The following CLEC12A variants were observed in gnomAD, a reference collection of about 807,000 sequenced individuals.
The protein encoded by CLEC12A is C-type lectin protein CLL-1.
CLEC12A carries 22 observed loss-of-function variants against 26.5 expected under a neutral mutation model. That is an observed-to-expected ratio of 0.83 (90% CI 0.59 to 1.19). The LOEUF is 1.19. Ranked by LOEUF, CLEC12A falls within the 50% of genes most tolerant of loss-of-function variation. The pLI, the probability that CLEC12A is intolerant of heterozygous loss-of-function variation, is 0.00. For missense variants in CLEC12A, 353 were observed against 315.6 expected (o/e 1.12, Z -0.90); for synonymous variants, 119 against 101.9 (o/e 1.17, Z -1.01).
exon 5 of CLEC12A, chr12:9,995,064 T>G (rs191515045): frequency 2.7e-4 from 428 of 1,597,864 alleles, no homozygotes; most frequent in Non-Finnish European, 2.7e-5. Flanking sequence ...AGTAGTGACT[T>G]GGACTGAGAG....
intron 1 of CLEC12A, among the ~76,000 whole-genome samples, chr12:9,975,591 G>A (rs1243015222): frequency 1.3e-5 from 2 of 152,146 alleles, no homozygotes; most frequent in Admixed American, 1.3e-4. Flanking sequence ...TTTTATAAGG[G>A]AAGCAGAGCA....
At chr12:9,965,879 C>T (rs544384393) in intron 1 of CLEC12A, among the ~76,000 whole-genome samples, 13 of 151,986 alleles carry the variant, frequency 8.6e-5, no homozygotes, top group Middle Eastern at 3.4e-3. Context: ...CAGGATCAGT[C>T]GCTAAGGAGG....
chr12:9,990,369 A>G (rs2137223148), downstream of CLEC12A, among the ~76,000 whole-genome samples: 1 of 152,338 alleles, frequency 6.6e-6, no homozygotes, highest in African/African-American at 2.4e-5. Context: ...GTCAACATTA[A>G]CAGACACTTG....
chr12:9,969,747 A>C (rs183462894), upstream of CLEC12A, among the ~76,000 whole-genome samples: 1,570 of 152,312 alleles, frequency 0.01, 20 homozygotes, highest in South Asian at 0.028. Flanking sequence ...AAATATTTAT[A>C]TGCAAATATT....
chr12:9,954,205 TAAAAAAAAAAAAA>T (rs35173002), intron 1 of CLEC12A, among the ~76,000 whole-genome samples: 45 of 64,446 alleles, frequency 7.0e-4, no homozygotes, highest in Non-Finnish European at 1.3e-3. Context: ...GAATTATCAA[TAAAAAAAAAAAAA>T]AAAAAAAAAA....
chr12:9,988,502 TCAAA>T (rs1864821440), downstream of CLEC12A, among the ~76,000 whole-genome samples: 1 of 152,118 alleles, frequency 6.6e-6, no homozygotes, highest in African/African-American at 2.4e-5. Context: ...TACGAAGAAC[TCAAA>T]CAAATTTACA....
intron 2 of CLEC12A, 60 bp downstream of exon 2, chr12:9,979,124 C>A: frequency 7.2e-7 from 1 of 1,385,216 alleles, no homozygotes; most frequent in Non-Finnish European, 1.0e-6. Context: ...TATTTAGCAA[C>A]AAAAGTTTAT....
chr12:9,995,181 C>G lies in CLEC12A; in HGVS notation n.1168C>G, dbSNP rs373285560. On this transcript the variant is annotated non_coding_transcript_exon_variant, in exon 5 of 5. Transcript: ENST00000449959. ...CCGAGCCATCCTCCCACTTCCAGAC[C>G]TCATTCGACTTCTGGCGAGATAATC... 1.2e-5 allele frequency: 19 copies of G among 1,613,004 alleles called. No homozygotes were observed. In the African/African-American group the frequency reaches 2.4e-4, roughly 20 times the overall value.
Position 9,985,062 on chromosome 12 carries a change from TG to T in CLEC12A, c.*41del. 7.1e-7 allele frequency: 1 copy of T among 1,399,916 alleles called. No individual in the cohort carries two copies. The allele number at this position is 1,399,916 out of a possible 1,614,324, so 86.7% of individuals were successfully genotyped here. ...AAATACATTTAAGGAGTGTAGGGGG[TG>T]GGGGTTCTAGGCTATAGGTAAATTT... On this transcript the variant is annotated 3_prime_UTR_variant, in exon 6 of 6. Coordinates refer to ENST00000304361, the MANE Select transcript of CLEC12A (RefSeq NM_138337.6).
At chr12:9,980,500 A>G (rs1004454613) in intron 3 of CLEC12A, 82 bp from the exon 4 acceptor site, 2 of 1,318,612 alleles carry the variant, frequency 1.5e-6, no homozygotes, top group East Asian at 2.3e-5. Context: ...AATGTGATCA[A>G]TGTCACACAG....
At chr12:9,977,792 T>C (rs1440426908) in intron 1 of CLEC12A, among the ~76,000 whole-genome samples, 2 of 152,204 alleles carry the variant, frequency 1.3e-5, no homozygotes, top group African/African-American at 2.4e-5. Context: ...TACATCTTGC[T>C]CACTTTGATA....
chr12:9,956,183 A>G (rs1207842178), intron 1 of CLEC12A, among the ~76,000 whole-genome samples: 2 of 152,220 alleles, frequency 1.3e-5, no homozygotes, highest in Non-Finnish European at 2.9e-5. Context: ...GTTCTAACCC[A>G]GGGGACTAAT....
intron 1 of CLEC12A, among the ~76,000 whole-genome samples, chr12:9,975,108 C>T (rs1012343532): frequency 5.3e-5 from 8 of 152,164 alleles, no homozygotes; most frequent in Non-Finnish European, 1.0e-4. Flanking sequence ...TCCATTAAAC[C>T]TCTTTTTACT....
In CLEC12A at chr12:9,981,991, C is replaced by G. The variant is rs186940352; in HGVS notation, c.532-29C>G. The stretch of plus-strand genomic sequence containing the variant: ...AAAATACAAAAGTAGGAGACTGTTT[C>G]TTAAACAGACTATCTGTATTTCCTG... On this transcript the variant is annotated intron_variant, in intron 4 of 5. Coordinates refer to ENST00000304361, the MANE Select transcript of CLEC12A (RefSeq NM_138337.6). The G allele has an allele frequency of 6.2e-4, 706 of 1,138,244 alleles. 6 individuals are homozygous for G. The African/African-American group carries it at 8.8e-3, about 14-fold the overall frequency. The allele number at this position is 1,138,244 out of a possible 1,614,324, so 70.5% of individuals were successfully genotyped here. A position where few individuals can be genotyped will look rare whatever the true frequency, so the allele number is the denominator to read the frequency against.
In CLEC12A at chr12:9,954,205, TAAAAAAAAAAA is replaced by T. The variant is rs35173002; in HGVS notation, c.10+2867_10+2877del. ...GTGAGAAACACCCAAGAATTATCAA[TAAAAAAAAAAA>T]AAAAAAAAAAAAAAAAATCAAACTG... is the stretch of plus-strand genomic sequence containing the variant. On this transcript the variant is annotated intron_variant, in intron 1 of 6. Coordinates refer to the CLEC12A transcript ENST00000355690. Among the ~76,000 whole-genome samples the T allele has an allele frequency of 2.9e-4, 19 of 64,446 alleles. No individual in the cohort carries two copies. In the East Asian group the frequency reaches 3.1e-3, roughly 11 times the overall value. The allele number at this position is 64,446 out of a possible 152,430, so 42.3% of individuals were successfully genotyped here.
chr12:9,968,629 A>G (rs996409067), upstream of CLEC12A, among the ~76,000 whole-genome samples: 1 of 152,174 alleles, frequency 6.6e-6, no homozygotes, highest in African/African-American at 2.4e-5. Context: ...GGATGTGTAC[A>G]TGCAGGTCAT....
rs1864733131 is a variant in CLEC12A at position 9,985,262 on chromosome 12, A to G, written c.*236A>G. The G allele has an allele frequency of 2.4e-6, 1 of 413,614 alleles. No homozygotes were observed. 25.6% of individuals were successfully genotyped at this position (413,614 alleles called of 1,614,324 possible). A position where few individuals can be genotyped will look rare whatever the true frequency, so the allele number is the denominator to read the frequency against. On this transcript the variant is annotated 3_prime_UTR_variant, in exon 6 of 6. Transcript: ENST00000304361. ...CTTTCCATCATGGCCTGAACCCTGG[A>G]GGAAGAGGAAGTCCATTCAGATAGT...
chr12:9,959,670 T>A (rs7957596), intron 1 of CLEC12A, among the ~76,000 whole-genome samples: 14 of 151,724 alleles, frequency 9.2e-5, no homozygotes, highest in Non-Finnish European at 2.9e-5. Flanking sequence ...TCATACCACC[T>A]TGGAAATGAT....
chr12:9,998,144 C>A (rs1865096790), downstream of CLEC12A: 2 of 666,608 alleles, frequency 3.0e-6, no homozygotes, highest in Non-Finnish European at 2.7e-6. Context: ...TATTGAGATT[C>A]TCTTGGCAAC....
Sources: allele counts gnomAD v4.1 joint callset (sites outside exome capture counted in the v4.1 genomes callset), GRCh38; gene constraint gnomAD v4.1.1; transcripts MANE v1.5; gene names NCBI Gene and HGNC (gene_info 2026-07-23, HGNC 2026-07-21).